The following CHL1 variants were observed in gnomAD, a reference collection of about 807,000 sequenced individuals.
CHL1 encodes the protein neural cell adhesion molecule L1-like protein.
A neutral mutation model predicts 141.9 loss-of-function variants in CHL1; 96 were observed. The observed-to-expected ratio is 0.68, with a 90% CI of 0.57 to 0.80. The LOEUF is 0.80. Ranked by LOEUF, CHL1 falls within the 30% of genes least tolerant of loss-of-function variation. The pLI is 0.00. For synonymous variants in CHL1, 613 were observed against 502.2 expected (o/e 1.22, Z -2.95); for missense variants, 1,820 against 1,457.2 (o/e 1.25, Z -4.05).
intron 3 of CHL1, among the ~76,000 whole-genome samples, chr3:321,118 T>A (rs1700529424): frequency 6.6e-6 from 1 of 152,074 alleles, no homozygotes; most frequent in Non-Finnish European, 1.5e-5. Context: ...TATAATGTAT[T>A]TAAAAACTAT....
Position 407,273 on chromosome 3 carries a change from A to T in CHL1, c.*1562A>T, listed in dbSNP as rs1471527517. 1 of 152,126 alleles carries T rather than the reference A, an allele frequency of 6.6e-6. No individual in the cohort carries two copies. The highest frequency in any genetic ancestry group is 6.6e-5 in the Admixed American group (1 of 15,254). The allele number at this position is 152,126 out of a possible 1,614,324, so 9.4% of individuals were successfully genotyped here. On this transcript the variant is annotated 3_prime_UTR_variant, in exon 28 of 28. Transcript: ENST00000256509. ...TTATTGGTATACTGTTATATCCTCA[A>T]CTTGGATTTATGGTAACCCCTTATA...
At chr3:286,534 T>A (rs1574962420) in intron 2 of CHL1, among the ~76,000 whole-genome samples, 2 of 150,228 alleles carry the variant, frequency 1.3e-5, no homozygotes, top group South Asian at 4.2e-4. Context: ...CCACTTGAAC[T>A]TAGTAGGCGT....
chr3:327,423 A>AT (rs35916319), intron 4 of CHL1, among the ~76,000 whole-genome samples: 94,603 of 142,966 alleles, frequency 0.66, 31,022 homozygotes, highest in Middle Eastern at 0.76. Flanking sequence ...AACTGTGTAC[A>AT]TTTTTTTTCT....
Position 344,641 on chromosome 3 carries a change from T to C in CHL1, c.780T>C (p.Ser260=), listed in dbSNP as rs1174015336. ...AACTGCTGTTGCCTCCCACTGAGAG[T>C]GGCAGTGAGTCTTCAATTACCATCC... ...KPKLLLPPTE[S]GSESSITILK... Residue 260 remains serine (S), a synonymous_variant, in exon 9 of 28, where the codon AGT becomes AGC. Transcript: ENST00000256509. The C allele has an allele frequency of 6.2e-7, 1 of 1,612,810 alleles. No individual in the cohort carries two copies. The highest frequency in any genetic ancestry group is 1.1e-5 in the South Asian group (1 of 90,938).
At chr3:219,010 A>G (rs577279873) in intron 1 of CHL1, among the ~76,000 whole-genome samples, 29 of 152,174 alleles carry the variant, frequency 1.9e-4, no homozygotes, top group African/African-American at 4.8e-4. Flanking sequence ...TTAGCTGGGC[A>G]TGGTGGCGGG....
intron 10 of CHL1, among the ~76,000 whole-genome samples, chr3:353,168 A>C (rs1703409980): frequency 6.6e-6 from 1 of 152,190 alleles, no homozygotes; most frequent in Non-Finnish European, 1.5e-5. Flanking sequence ...TAATGGCAAT[A>C]GTAATTATTC....
chr3:339,653 TG>T (rs1194108593), intron 5 of CHL1, among the ~76,000 whole-genome samples: 7 of 152,328 alleles, frequency 4.6e-5, no homozygotes, highest in Admixed American at 3.3e-4. Flanking sequence ...AGCAATTCAC[TG>T]TAACCAGCTG....
chr3:277,658 T>C, intron 2 of CHL1, among the ~76,000 whole-genome samples: 1 of 152,240 alleles, frequency 6.6e-6, no homozygotes, highest in South Asian at 2.1e-4. Context: ...GTGTCATTTT[T>C]ATATTGCGAA....
intron 27 of CHL1, 51 bp from the exon 28 acceptor site, chr3:405,444 G>A (rs576949429): frequency 1.7e-6 from 2 of 1,202,842 alleles, no homozygotes; most frequent in Admixed American, 3.5e-5. Flanking sequence ...TGCTTTACAT[G>A]AATATTAATA....
chr3:238,029 T>C (rs13060666), intron 1 of CHL1, among the ~76,000 whole-genome samples: 77,025 of 152,094 alleles, frequency 0.51, 21,160 homozygotes, highest in Non-Finnish European at 0.61. Context: ...TCTTACTTTA[T>C]TGTACATCAT....
At chr3:320,853 A>T (rs993865179) in intron 3 of CHL1, among the ~76,000 whole-genome samples, 2 of 152,118 alleles carry the variant, frequency 1.3e-5, no homozygotes, top group Non-Finnish European at 2.9e-5. Context: ...TATCCGTATC[A>T]TTCAGGAATA....
rs746857246 is a variant in CHL1, at chr3:363,410, A to G, written c.1585+27A>G. 3.1e-6 allele frequency: 5 copies of G among 1,589,832 alleles called. No homozygotes were observed. The South Asian group carries it at 4.5e-5, about 14-fold the overall frequency. ...TATTTTTATTTCACTGTTACTTTGC[A>G]TGAATTGTCACATGGGTTCAGTCTG... is the stretch of plus-strand genomic sequence containing the variant. On this transcript the variant is annotated intron_variant, in intron 14 of 27. Coordinates refer to ENST00000256509, the MANE Select transcript of CHL1 (RefSeq NM_006614.4).
At chr3:237,295 A>G (rs1692088768) in intron 1 of CHL1, among the ~76,000 whole-genome samples, 2 of 152,166 alleles carry the variant, frequency 1.3e-5, no homozygotes, top group Admixed American at 1.3e-4. Context: ...GCCACCATGC[A>G]AGATGTCCCT....
chr3:338,203 T>C (rs1702083638), intron 5 of CHL1, among the ~76,000 whole-genome samples: 1 of 152,224 alleles, frequency 6.6e-6, no homozygotes, highest in African/African-American at 2.4e-5. Context: ...AGAGAGGCCA[T>C]TCAGGATCAA....
chr3:292,773 G>A (rs2125347783), intron 2 of CHL1, among the ~76,000 whole-genome samples: 1 of 152,300 alleles, frequency 6.6e-6, no homozygotes, highest in East Asian at 1.9e-4. Context: ...GCCAGAGCAG[G>A]AGCAAGAGGG....
At chr3:286,805 C>T (rs1430969324) in intron 2 of CHL1, among the ~76,000 whole-genome samples, 1 of 151,982 alleles carries the variant, frequency 6.6e-6, no homozygotes, top group African/African-American at 2.4e-5. Flanking sequence ...GGTTCTTTCC[C>T]TTTTTAGACC....
At chr3:347,730 G>A (rs1195477823) in intron 9 of CHL1, among the ~76,000 whole-genome samples, 1 of 152,300 alleles carries the variant, frequency 6.6e-6, no homozygotes, top group East Asian at 1.9e-4. Flanking sequence ...GCAGTTAGGA[G>A]ACTTGAGCTA....
At chr3:245,934 G>A (rs1160064716) in intron 2 of CHL1, among the ~76,000 whole-genome samples, 1 of 152,034 alleles carries the variant, frequency 6.6e-6, no homozygotes, top group African/African-American at 2.4e-5. Context: ...CTCCAAGAGG[G>A]GTTCTCCATA....
chr3:355,809 T>A (rs1376433797), intron 11 of CHL1, among the ~76,000 whole-genome samples: 1 of 152,166 alleles, frequency 6.6e-6, no homozygotes, highest in Non-Finnish European at 1.5e-5. Flanking sequence ...CAGTGATTCA[T>A]CTGTAGAGCA....
Sources: gnomAD v4.1 joint callset for allele counts (sites outside exome capture counted in the v4.1 genomes callset) on GRCh38, gnomAD v4.1.1 for gene constraint, MANE v1.5 for transcripts, NCBI Gene and HGNC (gene_info 2026-07-23, HGNC 2026-07-21) for gene names.